Variants in PLEKHH2 observed in about 807,000 individuals in gnomAD.
The protein encoded by PLEKHH2 is pleckstrin homology, MyTH4 and FERM domain containing H2, also known as pleckstrin homology domain-containing family H member 2.
Under a neutral mutation model 187.9 loss-of-function variants are expected in PLEKHH2, and 129 were observed. The observed-to-expected ratio is 0.69, with a 90% CI of 0.59 to 0.79. PLEKHH2 has a LOEUF of 0.79. PLEKHH2 is among the 30% of genes least tolerant of loss of function. The pLI is 0.00. For missense variants in PLEKHH2, 2,076 were observed against 1,751.2 expected (o/e 1.19, Z -3.31); for synonymous variants, 686 against 605.6 (o/e 1.13, Z -1.95).
rs115207897 is a variant in PLEKHH2 at position 43,720,252 on chromosome 2, G to A, written c.2461-417G>A. Reference sequence around the variant, plus strand: ...AATGGTGAGCACCAAAGCAAAACTTGCCATTCTACTACTGTTAACAGGTAA... The same window carrying A: ...AATGGTGAGCACCAAAGCAAAACTTACCATTCTACTACTGTTAACAGGTAA... On this transcript the variant is annotated intron_variant, in intron 15 of 29. Coordinates refer to ENST00000282406, the MANE Select transcript of PLEKHH2 (RefSeq NM_172069.4). Among the ~76,000 whole-genome samples, 928 of 151,320 alleles carry A rather than the reference G, an allele frequency of 6.1e-3. 13 individuals carry two copies. The highest frequency in any genetic ancestry group is 0.021 in the African/African-American group (878 of 41,156).
intron 29 of PLEKHH2, 52 bp from the exon 30 acceptor site, chr2:43,765,361 G>A: frequency 6.4e-7 from 1 of 1,559,658 alleles, no homozygotes; most frequent in Non-Finnish European, 8.8e-7. Flanking sequence ...CTCTCTTCTG[G>A]AAGTGATGAG....
At chr2:43,692,902 A>G (rs1210629896) in intron 4 of PLEKHH2, among the ~76,000 whole-genome samples, 2 of 152,134 alleles carry the variant, frequency 1.3e-5, no homozygotes, top group Admixed American at 6.5e-5. Flanking sequence ...GCTCGTTAAT[A>G]TTCAAACATT....
chr2:43,742,008 T>TTTTTCC (rs1173816246), intron 21 of PLEKHH2, among the ~76,000 whole-genome samples: 3 of 148,412 alleles, frequency 2.0e-5, no homozygotes, highest in Non-Finnish European at 3.0e-5. Flanking sequence ...TGTTTGAAGA[T>TTTTTCC]TTTTTTTTTT....
chr2:43,681,259 G>C (rs1410521138), intron 3 of PLEKHH2: 5 of 668,076 alleles, frequency 7.5e-6, no homozygotes, highest in Non-Finnish European at 1.3e-5. Context: ...CAATCCTCCT[G>C]TGGAGGTCCA....
At chr2:43,688,839 A>T (rs1572559311) in intron 3 of PLEKHH2, among the ~76,000 whole-genome samples, 1 of 152,206 alleles carries the variant, frequency 6.6e-6, no homozygotes, top group African/African-American at 2.4e-5. Context: ...ATGTGTGACA[A>T]CATGTATGAA....
At chr2:43,721,578 T>C (rs529538594) in intron 16 of PLEKHH2, among the ~76,000 whole-genome samples, 2 of 152,264 alleles carry the variant, frequency 1.3e-5, no homozygotes, top group Non-Finnish European at 2.9e-5. Context: ...ATTAACGCAG[T>C]ACAGCCATTA....
chr2:43,696,279 C>T (rs1222703623), intron 6 of PLEKHH2, among the ~76,000 whole-genome samples: 1 of 152,036 alleles, frequency 6.6e-6, no homozygotes, highest in Non-Finnish European at 1.5e-5. Context: ...TTGAGACCAG[C>T]CTTGGCAATA....
intron 11 of PLEKHH2, among the ~76,000 whole-genome samples, chr2:43,709,742 G>A (rs187852843): frequency 4.6e-5 from 7 of 152,064 alleles, no homozygotes; most frequent in East Asian, 1.9e-4. Flanking sequence ...AGGCTGAGGC[G>A]GGAGAATCGC....
chr2:43,720,905 G>C (rs762305961), intron 16 of PLEKHH2, among the ~76,000 whole-genome samples, 156 bp downstream of exon 16: 35 of 152,040 alleles, frequency 2.3e-4, no homozygotes, highest in Non-Finnish European at 4.3e-4. Context: ...ATCACACAAA[G>C]GTCTATCACC....
intron 5 of PLEKHH2, among the ~76,000 whole-genome samples, chr2:43,694,773 AAAT>A (rs1197656657): frequency 6.6e-6 from 1 of 152,192 alleles, no homozygotes; most frequent in Non-Finnish European, 1.5e-5. Flanking sequence ...AATTAATTTC[AAAT>A]AATAATAGGA....
chr2:43,642,534 T>C (rs1665990368), intron 1 of PLEKHH2, among the ~76,000 whole-genome samples: 1 of 152,198 alleles, frequency 6.6e-6, no homozygotes, highest in African/African-American at 2.4e-5. Flanking sequence ...CTTTGTCTTG[T>C]TCCTGATTTC....
At chr2:43,710,182 G>A (rs761235406) in intron 12 of PLEKHH2, 38 bp from the exon 13 acceptor site, 1 of 1,610,748 alleles carries the variant, frequency 6.2e-7, no homozygotes, top group Non-Finnish European at 8.5e-7. Context: ...CCTCCAAAAG[G>A]AAACTGAAAA....
At position 43,738,418 on chromosome 2, in the gene PLEKHH2, G is replaced by A. The variant is rs941334990; in HGVS notation, c.3021G>A (p.Leu1007=). Residue 1007 remains leucine, a synonymous_variant, in exon 20 of 30, where the codon TTG becomes TTA. Transcript: ENST00000282406. ...ACATATCTTTAGCCCAGAGTGCTTT[G>A]CAAATCTGCCTGACACATCCTGAGC... ...DYHISLAQSA[L]QICLTHPELQ... is the part of the protein sequence containing the mutation. 15 of 1,613,976 alleles carry A rather than the reference G, an allele frequency of 9.3e-6. No individual in the cohort carries two copies. Among genetic ancestry groups the A allele is most frequent in the Non-Finnish European group, 1.3e-5 (15 of 1,179,924 alleles).
chr2:43,666,440 C>T (rs557275232), intron 2 of PLEKHH2, among the ~76,000 whole-genome samples: 10 of 147,258 alleles, frequency 6.8e-5, no homozygotes, highest in South Asian at 2.1e-4. Context: ...TCTTCTGCGT[C>T]GCTCACGCTG....
Position 43,644,677 on chromosome 2 carries a change from G to A in PLEKHH2, c.4G>A (p.Ala2Thr), listed in dbSNP as rs1431555077. The A allele has an allele frequency of 1.3e-6, 2 of 1,576,634 alleles. No individual in the cohort carries two copies. The highest frequency in any genetic ancestry group is 2.3e-5 in the East Asian group (1 of 43,972). The part of the protein sequence containing the change: M[A>T]ELSEPEGPVD... ...ATTTATTTAATTTTTTTAGAATATG[G>A]CAGAGCTTTCTGAGCCAGAGGGACC... Residue 2 changes from alanine (A) to threonine (T), a missense_variant, in exon 2 of 30, where the codon GCA becomes ACA. Physicochemically the swap from Ala to Thr is moderately conservative, Grantham distance 58. Transcript: ENST00000282406.
chr2:43,703,663 G>A (rs1669501330), intron 8 of PLEKHH2, among the ~76,000 whole-genome samples: 1 of 152,160 alleles, frequency 6.6e-6, no homozygotes, highest in Admixed American at 6.5e-5. Context: ...AATATTAAAG[G>A]TGGTGTTTAT....
intron 11 of PLEKHH2, among the ~76,000 whole-genome samples, chr2:43,709,747 A>G (rs1415932636): frequency 6.6e-6 from 1 of 152,132 alleles, no homozygotes; most frequent in Non-Finnish European, 1.5e-5. Context: ...GAGGCGGGAG[A>G]ATCGCTTGAA....
chr2:43,746,381 T>C (rs955534719), intron 24 of PLEKHH2, among the ~76,000 whole-genome samples: 2 of 151,820 alleles, frequency 1.3e-5, no homozygotes, highest in Non-Finnish European at 2.9e-5. Flanking sequence ...CATGGTGGCA[T>C]GTGCCTGTAA....
intron 23 of PLEKHH2, among the ~76,000 whole-genome samples, chr2:43,744,584 G>A (rs1671698753): frequency 6.6e-6 from 1 of 152,166 alleles, no homozygotes; most frequent in East Asian, 1.9e-4. Context: ...AAACAGACCT[G>A]TGTCCGGGTG....
Sources: allele counts gnomAD v4.1 joint callset (sites outside exome capture counted in the v4.1 genomes callset), GRCh38; gene constraint gnomAD v4.1.1; transcripts MANE v1.5; gene names NCBI Gene and HGNC (gene_info 2026-07-23, HGNC 2026-07-21).